NDUFAF6: variants seen among roughly 807,000 people sequenced by gnomAD.
NDUFAF6 encodes the protein NADH dehydrogenase (ubiquinone) complex I, assembly factor 6.
NDUFAF6 carries 45 observed loss-of-function variants against 40.8 expected under a neutral mutation model. The observed-to-expected ratio is 1.10, with a 90% CI of 0.87 to 1.42. NDUFAF6 has a LOEUF of 1.42. NDUFAF6 is among the 40% of genes most tolerant of loss of function. NDUFAF6 has a pLI of 0.00. For missense variants in NDUFAF6, 435 were observed against 418.5 expected (o/e 1.04, Z -0.34); for synonymous variants, 185 against 155.9 (o/e 1.19, Z -1.39).
intron 3 of NDUFAF6, among the ~76,000 whole-genome samples, chr8:95,038,059 T>TG (rs1829709824): frequency 6.6e-6 from 1 of 151,974 alleles, no homozygotes; most frequent in Non-Finnish European, 1.5e-5. Context: ...AATTAAAAAA[T>TG]TTTTTTTCTA....
chr8:95,102,467 C>T (rs1469409956), intron 2 of NDUFAF6, among the ~76,000 whole-genome samples: 2 of 152,190 alleles, frequency 1.3e-5, no homozygotes, highest in Non-Finnish European at 2.9e-5. Flanking sequence ...GCCCCCCACT[C>T]CTGACCCCCT....
At chr8:94,920,538 A>G (rs1819428864) in intron 1 of NDUFAF6, among the ~76,000 whole-genome samples, 1 of 152,352 alleles carries the variant, frequency 6.6e-6, no homozygotes, top group East Asian at 1.9e-4. Flanking sequence ...CAGTCCCTGC[A>G]TGTCCCCCAC....
chr8:94,986,266 A>G (rs1825895248), intron 2 of NDUFAF6, among the ~76,000 whole-genome samples: 1 of 152,238 alleles, frequency 6.6e-6, no homozygotes, highest in Non-Finnish European at 1.5e-5. Context: ...CACTCAAAAC[A>G]TTAAGAAGTT....
chr8:95,045,528 C>T lies in NDUFAF6; in HGVS notation c.478-17C>T, dbSNP rs747167694. On this transcript the variant is annotated splice_polypyrimidine_tract_variant and intron_variant, in intron 4 of 8. Transcript: ENST00000396124. Reference sequence around the variant, plus strand: ...TTGACAGTTCAACAGACTTTATTTGCATTTTATTTGATGTAGGAAAAAAAT... The same window carrying T: ...TTGACAGTTCAACAGACTTTATTTGTATTTTATTTGATGTAGGAAAAAAAT... The T allele has an allele frequency of 6.1e-5, 96 of 1,569,812 alleles. No homozygotes were observed. The highest frequency in any genetic ancestry group is 8.0e-5 in the Non-Finnish European group (91 of 1,140,164).
intron 1 of NDUFAF6, among the ~76,000 whole-genome samples, chr8:94,905,461 C>T (rs1329793193): frequency 6.6e-6 from 1 of 152,004 alleles, no homozygotes; most frequent in Non-Finnish European, 1.5e-5. Context: ...TAGTGAGAGG[C>T]CTACTGTTTA....
At chr8:94,896,841 T>A (rs540027818) in intron 1 of NDUFAF6, among the ~76,000 whole-genome samples, 2 of 152,304 alleles carry the variant, frequency 1.3e-5, no homozygotes, top group Non-Finnish European at 2.9e-5. Flanking sequence ...ACTTTTTCGA[T>A]TCTTCGTCTC....
chr8:94,932,766 G>A (rs1236101207), intron 1 of NDUFAF6, among the ~76,000 whole-genome samples: 2 of 152,122 alleles, frequency 1.3e-5, no homozygotes, highest in African/African-American at 4.8e-5. Context: ...TAGCGCCACT[G>A]CACTCCAGCC....
chr8:94,915,393 C>T (rs1009044305), intron 1 of NDUFAF6, among the ~76,000 whole-genome samples: 2 of 152,140 alleles, frequency 1.3e-5, no homozygotes, highest in South Asian at 4.1e-4. Context: ...CTGCAAAGAA[C>T]GTATTTTTGT....
At chr8:95,064,182 A>G (rs1439543648) in intron 9 of NDUFAF6, among the ~76,000 whole-genome samples, 2 of 151,074 alleles carry the variant, frequency 1.3e-5, no homozygotes, top group Non-Finnish European at 1.5e-5. Context: ...GAGTCCCTGC[A>G]CCCGGCCTCT....
chr8:95,046,000 A>G (rs1356671969), intron 5 of NDUFAF6, among the ~76,000 whole-genome samples: 1 of 152,106 alleles, frequency 6.6e-6, no homozygotes, highest in African/African-American at 2.4e-5. Context: ...GTACTTATCC[A>G]TGGAAAAAGA....
intron 2 of NDUFAF6, among the ~76,000 whole-genome samples, chr8:94,994,782 A>G (rs750333027): frequency 3.3e-5 from 5 of 152,170 alleles, no homozygotes; most frequent in Non-Finnish European, 5.9e-5. Flanking sequence ...ACAGTGAACT[A>G]TCATATGCCA....
At position 95,035,551 on chromosome 8, in the gene NDUFAF6, A is replaced by G. The variant is rs1023438996; in HGVS notation, c.395A>G (p.Gln132Arg). 6.2e-6 allele frequency: 10 copies of G among 1,611,294 alleles called. No individual in the cohort carries two copies. The African/African-American group carries it at 1.1e-4, about 17-fold the overall frequency. ...ATATACTGTGACAATCCACCACATC[A>G]GCCTGTGGCCATTGAACTATGGAAG... is the stretch of plus-strand genomic sequence containing the variant. ...EDIYCDNPPHQPVAIELWKAV... is the reference protein window; with the variant it reads ...EDIYCDNPPHRPVAIELWKAV... The change falls in exon 3 of 9, where the codon CAG (glutamine) becomes CGG (arginine). Residue 132 changes from glutamine to arginine, a missense_variant. By Grantham distance (43) the Gln-to-Arg change is conservative. Coordinates refer to ENST00000396124, the MANE Select transcript of NDUFAF6 (RefSeq NM_152416.4).
chr8:95,006,788 GA>G (rs1197097697), intron 2 of NDUFAF6, among the ~76,000 whole-genome samples: 1 of 151,992 alleles, frequency 6.6e-6, no homozygotes, highest in Non-Finnish European at 1.5e-5. Flanking sequence ...GCTGAGGTGG[GA>G]GGTTGACTTG....
At chr8:95,089,712 T>C (rs868741280) in intron 2 of NDUFAF6, among the ~76,000 whole-genome samples, 30 of 152,156 alleles carry the variant, frequency 2.0e-4, no homozygotes, top group African/African-American at 7.2e-4. Flanking sequence ...CCCAAATTCC[T>C]ATCTCAGGCA....
rs868151349 is a variant in NDUFAF6 at position 95,035,699 on chromosome 8, T to C, written c.420+123T>C. 7.9e-5 allele frequency: 77 copies of C among 980,086 alleles called. 1 individual carries two copies. The Middle Eastern group carries it at 1.2e-3, about 16-fold the overall frequency. The allele number at this position is 980,086 out of a possible 1,614,324, so 60.7% of individuals were successfully genotyped here. On this transcript the variant is annotated intron_variant, in intron 3 of 8. Coordinates refer to ENST00000396124, the MANE Select transcript of NDUFAF6 (RefSeq NM_152416.4). Reference sequence around the variant, plus strand: ...TATTCTGAAAATATTCTTAGGCTTATGTATTCAGAGCTGTTATAGTTTTGG... The same window carrying C: ...TATTCTGAAAATATTCTTAGGCTTACGTATTCAGAGCTGTTATAGTTTTGG...
At chr8:95,050,826 C>G (rs1831343839) in intron 7 of NDUFAF6, among the ~76,000 whole-genome samples, 1 of 152,158 alleles carries the variant, frequency 6.6e-6, no homozygotes, top group Non-Finnish European at 1.5e-5. Context: ...TACGTGCCCA[C>G]ACATAACAAG....
Position 95,066,447 on chromosome 8 carries a change from T to TA in NDUFAF6, c.*512-9177dup, listed in dbSNP as rs1217596349. On this transcript the variant is annotated intron_variant and NMD_transcript_variant, in intron 9 of 9. Transcript: ENST00000520757. ...TATTTTAAATAAAGGAAATCACTTT[T>TA]AAAAAAAAAGTTCTCCTAAAACCCT... Among the ~76,000 whole-genome samples the TA allele has an allele frequency of 4.0e-3, 602 of 151,242 alleles. 3 individuals are homozygous for TA. The highest frequency in any genetic ancestry group is 0.014 in the African/African-American group (572 of 41,236).
chr8:95,052,315 A>G, intron 8 of NDUFAF6, 85 bp downstream of exon 8: 1 of 1,426,098 alleles, frequency 7.0e-7, no homozygotes, highest in Non-Finnish European at 9.9e-7. Context: ...TTCCCAATGA[A>G]CTTCTTTAGT....
At chr8:94,978,732 A>G (rs1825173663) in intron 1 of NDUFAF6, among the ~76,000 whole-genome samples, 1 of 151,984 alleles carries the variant, frequency 6.6e-6, no homozygotes, top group African/African-American at 2.4e-5. Flanking sequence ...AAAAAAAAAA[A>G]GCTGGCAAAC....
Sources: gnomAD v4.1 joint callset for allele counts (sites outside exome capture counted in the v4.1 genomes callset) on GRCh38, gnomAD v4.1.1 for gene constraint, MANE v1.5 for transcripts, NCBI Gene and HGNC (gene_info 2026-07-23, HGNC 2026-07-21) for gene names.